Variants in ABCA2 observed in about 807,000 individuals in gnomAD.
ABCA2 encodes the protein ATP binding cassette subfamily A member 2, also known as ATP-binding cassette sub-family A member 2.
ABCA2 carries 84 observed loss-of-function variants against 262.8 expected under a neutral mutation model. The ratio of observed to expected loss-of-function variants is 0.32; its 90% CI spans 0.27 to 0.38. The LOEUF is 0.38. Among genes scored for constraint, ABCA2 ranks in the 10% least tolerant of loss-of-function variants. The pLI, the probability that ABCA2 is intolerant of heterozygous loss-of-function variation, is 1.00. For missense variants in ABCA2, 2,662 were observed against 3,405.9 expected (o/e 0.78, Z 5.44); for synonymous variants, 1,696 against 1,502.9 (o/e 1.13, Z -2.97).
Position 137,013,212 on chromosome 9 carries a change from G to A in ABCA2, c.4657C>T (p.Leu1553=), listed in dbSNP as rs763663703. ...CTGCTCAGGTTCAACGTGGGCCCCAGCGAGCCGTTGGCGGGAGACTTGAGC... is the reference window on the plus strand; with the variant it reads ...CTGCTCAGGTTCAACGTGGGCCCCAACGAGCCGTTGGCGGGAGACTTGAGC... ...CVLKSPANGS[L]GPTLNLSSGE... The change falls in exon 30 of 49, where the codon CTG becomes TTG. Residue 1553 remains leucine, a synonymous_variant. Transcript: ENST00000341511. The A allele has an allele frequency of 1.9e-6, 3 of 1,601,076 alleles. No homozygotes were observed. Among genetic ancestry groups the A allele is most frequent in the Non-Finnish European group, 2.5e-6 (3 of 1,176,578 alleles).
chr9:137,021,167 G>A lies in ABCA2; in HGVS notation c.898-106C>T, dbSNP rs983538748. The stretch of plus-strand genomic sequence containing the variant: ...CAGCAGCAGGGAGACACAAGCTAGG[G>A]GTGCTGGGAGGGAGTCTGCAGCCTG... On this transcript the variant is annotated intron_variant, in intron 8 of 48. Coordinates refer to ENST00000341511, the MANE Select transcript of ABCA2 (RefSeq NM_001606.5). The surrounding 1 kb of genome is among the most constrained non-coding windows in gnomAD (Gnocchi z 6.0). The A allele has an allele frequency of 2.1e-6, 3 of 1,414,754 alleles. No individual in the cohort carries two copies. Among genetic ancestry groups the A allele is most frequent in the African/African-American group, 1.4e-5 (1 of 69,344 alleles). The allele number at this position is 1,414,754 out of a possible 1,614,324, so 87.6% of individuals were successfully genotyped here.
In ABCA2 at chr9:137,022,335, G is replaced by A. The variant is rs1831498593; in HGVS notation, c.567+16C>T. The A allele has an allele frequency of 6.3e-7, 1 of 1,587,442 alleles. No homozygotes were observed. Among genetic ancestry groups the A allele is most frequent in the Non-Finnish European group, 8.6e-7 (1 of 1,167,544 alleles). On this transcript the variant is annotated intron_variant, in intron 6 of 48. Coordinates refer to ENST00000341511, the MANE Select transcript of ABCA2 (RefSeq NM_001606.5). ...CAGAAGGGAGTGGCCAGGGCTGGGA[G>A]CTGTCCCTGCCTTACCTCGGGCGGG...
chr9:137,022,708 A>T lies in ABCA2; in HGVS notation c.433T>A (p.Ser145Thr), dbSNP rs1269809909. The change falls in exon 5 of 49, where the codon TCC becomes ACC. Residue 145 changes from serine (S) to threonine (T), a missense_variant. Coordinates refer to ENST00000341511, the MANE Select transcript of ABCA2 (RefSeq NM_001606.5). ...TTCCCTGCACAGGGCACACCTGTGG[A>T]TCTGTCCAGGTGGCTCCCCGAGGTG... Reference protein sequence around the residue: ...PGTSGSHLDRSTVSSFSLDSV... With the variant: ...PGTSGSHLDRTTVSSFSLDSV... 3.1e-6 allele frequency: 5 copies of T among 1,605,680 alleles called. No homozygotes were observed. Among genetic ancestry groups the T allele is most frequent in the Admixed American group, 1.7e-5 (1 of 59,676 alleles).
chr9:137,008,670 G>T (rs1397899003), intron 47 of ABCA2, 48 bp from the exon 48 acceptor site: 14 of 1,564,620 alleles, frequency 8.9e-6, no homozygotes, highest in Non-Finnish European at 1.1e-5. Context: ...CTGGGGTGAG[G>T]AGGGGCAGGG....
At position 137,009,611 on chromosome 9, in the gene ABCA2, G is replaced by A. The variant is rs1381450532; in HGVS notation, c.6664C>T (p.Arg2222Trp). ...EPTTGMDPKA[R>W]RFLWNLILDL... ...AGGATGAGGTTCCAGAGGAAGCGCCGGGCCTTGGGGTCCATGCCTGTGGTG... is the reference window on the plus strand; with the variant it reads ...AGGATGAGGTTCCAGAGGAAGCGCCAGGCCTTGGGGTCCATGCCTGTGGTG... Residue 2222 changes from arginine to tryptophan, a missense_variant, in exon 44 of 49, where the codon CGG becomes TGG. Arg to Trp is a moderately radical substitution (Grantham distance 101). Around this residue, in one of 12 missense-constraint regions of ABCA2, gnomAD observed 602 missense variants for 897.4 expected, o/e 0.67. Coordinates refer to ENST00000341511, the MANE Select transcript of ABCA2 (RefSeq NM_001606.5). 4 of 1,612,950 alleles carry A rather than the reference G, an allele frequency of 2.5e-6. No individual in the cohort carries two copies. Among genetic ancestry groups the A allele is most frequent in the South Asian group, 1.1e-5 (1 of 91,080 alleles).
chr9:137,016,337 C>T lies in ABCA2; in HGVS notation c.3058G>A (p.Val1020Met). 6.2e-7 allele frequency: 1 copy of T among 1,612,878 alleles called. No individual in the cohort carries two copies. The highest frequency in any genetic ancestry group is 8.5e-7 in the Non-Finnish European group (1 of 1,179,986). Residue 1020 changes from valine to methionine, a missense_variant, in exon 21 of 49, where the codon GTG becomes ATG. Transcript: ENST00000341511. Reference protein sequence around the residue: ...KLSLNLYENQVVSFLGHNGAG... With the variant: ...KLSLNLYENQMVSFLGHNGAG... ...CCGTTGTGGCCCAAGAAGGAGACCA[C>T]CTGGTTCTCGTAGAGGTTCAGGCTC... is the stretch of plus-strand genomic sequence containing the variant.
chr9:137,010,887 G>GGGGC, intron 39 of ABCA2, 86 bp downstream of exon 39: 1 of 497,018 alleles, frequency 2.0e-6, no homozygotes, highest in Non-Finnish European at 3.2e-6. Flanking sequence ...CCCCATCCCT[G>GGGGC]CCCCCACCCC....
At chr9:137,022,279 A>T (rs1375414076) in intron 6 of ABCA2, 72 bp downstream of exon 6, 1 of 1,482,974 alleles carries the variant, frequency 6.7e-7, no homozygotes, top group Non-Finnish European at 9.0e-7. Context: ...CATCCTGAGG[A>T]TGGCTCAGCA....
At position 137,011,056 on chromosome 9, in the gene ABCA2, G is replaced by C. The variant is rs369386066; in HGVS notation, c.5973C>G (p.Arg1991=). 8 of 1,610,108 alleles carry C rather than the reference G, an allele frequency of 5.0e-6. No homozygotes were observed. Among genetic ancestry groups the C allele is most frequent in the Middle Eastern group, 1.6e-4 (1 of 6,064 alleles). The change falls in exon 39 of 49, where the codon CGC becomes CGG. Residue 1991 remains arginine (R), a synonymous_variant. Transcript: ENST00000341511. The surrounding 1 kb of genome is among the most constrained non-coding windows in gnomAD (Gnocchi z 8.8). ...KSPFEWDIVT[R]GLVAMAVEGV... ...CCTCAACCGCCATGGCCACCAGTCC[G>C]CGGGTGACAATGTCCCACTCGAACG...
In ABCA2 at chr9:137,012,255, G is replaced by A. The variant is rs771161819; in HGVS notation, c.5299+10C>T. 1.2e-5 allele frequency: 17 copies of A among 1,428,324 alleles called. No homozygotes were observed. The highest frequency in any genetic ancestry group is 9.5e-7 in the Non-Finnish European group (1 of 1,049,956). 88.5% of individuals were successfully genotyped at this position (1,428,324 alleles called of 1,614,324 possible). A position where few individuals can be genotyped will look rare whatever the true frequency, so the allele number is the denominator to read the frequency against. On this transcript the variant is annotated intron_variant, in intron 33 of 48. Transcript: ENST00000341511. The stretch of plus-strand genomic sequence containing the variant: ...CCCCGCCCCGCCCCGCCCTGCCTAT[G>A]TCAGCTCACCGTAAGCCGCCGGGTT...
chr9:137,009,386 G>A lies in ABCA2; in HGVS notation c.6811C>T (p.Gln2271Ter). ...NGRLRCLGSI[Q>*]HLKNRFGDGY... is the part of the protein sequence containing the mutation. ...CCGGCTCACCGGTTCTTCAGGTGCT[G>A]GATGCTGCCCAGGCACCGCAGGCGA... is the stretch of plus-strand genomic sequence containing the variant. Residue 2271 changes from glutamine to a stop codon, truncating the protein, a stop_gained, in exon 45 of 49, where the codon CAG (glutamine) becomes TAG (stop). Coordinates refer to ENST00000341511, the MANE Select transcript of ABCA2 (RefSeq NM_001606.5). LOFTEE classifies it high-confidence loss of function. The A allele has an allele frequency of 6.3e-7, 1 of 1,599,854 alleles. No homozygotes were observed. The highest frequency in any genetic ancestry group is 8.5e-7 in the Non-Finnish European group (1 of 1,178,632).
Position 137,013,225 on chromosome 9 carries a change from G to A in ABCA2, c.4644C>T (p.Pro1548=), listed in dbSNP as rs555555650. The A allele has an allele frequency of 1.6e-5, 25 of 1,602,610 alleles. No individual in the cohort carries two copies. The highest frequency in any genetic ancestry group is 4.5e-5 in the East Asian group (2 of 44,540). ...GVGATCVLKS[P]ANGSLGPTLN... ...ACGTGGGCCCCAGCGAGCCGTTGGC[G>A]GGAGACTTGAGCACGCAGGTGGCAC... is the stretch of plus-strand genomic sequence containing the variant. The change falls in exon 30 of 49, where the codon CCC becomes CCT. Residue 1548 remains proline, a synonymous_variant. Coordinates refer to ENST00000341511, the MANE Select transcript of ABCA2 (RefSeq NM_001606.5).
At chr9:137,017,443 G>T in intron 17 of ABCA2, 59 bp downstream of exon 17, 1 of 1,596,660 alleles carries the variant, frequency 6.3e-7, no homozygotes, top group African/African-American at 1.3e-5. Flanking sequence ...AGAGGATGTG[G>T]GGTGAGCTTG....
rs770221339 is a variant in ABCA2, at chr9:137,008,489, C to T, written c.7202G>A (p.Arg2401Gln). The change falls in exon 48 of 49, where the codon CGG becomes CAG. Residue 2401 changes from arginine (R) to glutamine (Q), a missense_variant. Coordinates refer to ENST00000341511, the MANE Select transcript of ABCA2 (RefSeq NM_001606.5). ...LRPRSAPTELRALVADEPEDL... is the reference protein window; with the variant it reads ...LRPRSAPTELQALVADEPEDL... ...CTCGGGCTCGTCTGCCACAAGTGCC[C>T]GGAGCTCCGTGGGGGCAGACCGGGG... 6.4e-6 allele frequency: 10 copies of T among 1,573,904 alleles called. No individual in the cohort carries two copies. The highest frequency in any genetic ancestry group is 4.0e-5 in the African/African-American group (3 of 74,092).
upstream of ABCA2, chr9:137,028,762 G>A (rs767738154): frequency 3.9e-6 from 5 of 1,286,398 alleles, no homozygotes; most frequent in South Asian, 6.6e-5. This position sits in a 1 kb window ranked among gnomAD's most constrained non-coding sequence, Gnocchi z 6.9. Flanking sequence ...CCGCGATTCC[G>A]AGCAGCCAGC....
At chr9:137,012,195 G>C in intron 33 of ABCA2, 33 bp from the exon 34 acceptor site, 1 of 1,609,762 alleles carries the variant, frequency 6.2e-7, no homozygotes, top group Non-Finnish European at 8.5e-7. Context: ...GGCAGCTTCA[G>C]GCCCCAGCTC....
At chr9:137,009,499 C>A in intron 44 of ABCA2, 37 bp from the exon 45 acceptor site, 1 of 1,554,104 alleles carries the variant, frequency 6.4e-7, no homozygotes, top group Non-Finnish European at 8.9e-7. Flanking sequence ...GGAAGGGGTG[C>A]TGTGGGGTGG....
intron 45 of ABCA2, 26 bp from the exon 46 acceptor site, chr9:137,009,079 AGCCCTGC>A: frequency 6.3e-7 from 1 of 1,595,042 alleles, no homozygotes; most frequent in Non-Finnish European, 8.5e-7. Flanking sequence ...GGTGGCCCGG[AGCCCTGC>A]GCCGCCCAGC....
chr9:137,009,187 GCC>G, intron 45 of ABCA2, 134 bp from the exon 46 acceptor site: 1 of 670,994 alleles, frequency 1.5e-6, no homozygotes, highest in Non-Finnish European at 2.3e-6. Context: ...CAACCCCACA[GCC>G]CCCACAGCCC....
Sources: gnomAD v4.1 joint callset for allele counts on GRCh38, gnomAD v4.1.1 for gene constraint, gnomAD v4.1.1 regional missense constraint, Gnocchi (gnomAD v3.1) non-coding constraint, MANE v1.5 for transcripts, NCBI Gene and HGNC (gene_info 2026-07-23, HGNC 2026-07-21) for gene names.